Variants in CAST observed in about 807,000 individuals in gnomAD.
CAST encodes MIR583 host.
In CAST, 76 loss-of-function variants were observed where a neutral mutation model predicts 119.6. That is an observed-to-expected ratio of 0.64 (90% CI 0.53 to 0.77). The LOEUF is 0.77. Among genes scored for constraint, CAST ranks in the 30% least tolerant of loss-of-function variants. The pLI, the probability that CAST is intolerant of heterozygous loss-of-function variation, is 0.00. For missense variants in CAST, 953 were observed against 946.5 expected, an observed-to-expected ratio of 1.01 and a Z score of -0.09; for synonymous variants, 319 against 331.6, an observed-to-expected ratio of 0.96 and a Z score of 0.41.
chr5:96,768,461 T>C (rs1353359262), intron 29 of CAST: 3 of 449,246 alleles, frequency 6.7e-6, no homozygotes, highest in Non-Finnish European at 1.3e-5. Context: ...AAAATGCCTA[T>C]AATTCCACTG....
At chr5:96,025,597 A>G in the CAST span, among the ~76,000 whole-genome samples, 2 of 152,196 alleles carry the variant, frequency 1.3e-5, no homozygotes, top group Non-Finnish European at 2.9e-5. Flanking sequence ...ACTCTCAGAC[A>G]TGGTCATGTC....
the CAST span, among the ~76,000 whole-genome samples, chr5:96,434,921 T>G: frequency 1.3e-5 from 2 of 152,238 alleles, no homozygotes; most frequent in African/African-American, 4.8e-5. Context: ...GTTAAGTGTT[T>G]TACAATAATG....
the CAST span, among the ~76,000 whole-genome samples, chr5:96,360,092 A>C: frequency 1.4e-4 from 21 of 151,836 alleles, no homozygotes; most frequent in African/African-American, 4.8e-4. Context: ...CTGATCTTCA[A>C]TCTCTGATAT....
upstream of CAST, among the ~76,000 whole-genome samples, chr5:96,661,873 C>CACAG (rs200953056): frequency 0.031 from 4,787 of 152,190 alleles, 252 homozygotes; most frequent in African/African-American, 0.11. Context: ...CACACACACA[C>CACAG]AGACCAATTT....
the CAST span, among the ~76,000 whole-genome samples, chr5:96,312,534 A>C: frequency 6.6e-6 from 1 of 152,110 alleles, no homozygotes; most frequent in Non-Finnish European, 1.5e-5. Context: ...CAAGGAAGAT[A>C]AGAAATGTGT....
At chr5:96,597,902 GAAGAA>G (rs1747080712) in intron 1 of CAST, among the ~76,000 whole-genome samples, 1 of 147,886 alleles carries the variant, frequency 6.8e-6, no homozygotes, top group East Asian at 2.1e-4. Flanking sequence ...AGGGGTGGAA[GAAGAA>G]AAGAAAGGGG....
At chr5:96,226,249 A>G in the CAST span, among the ~76,000 whole-genome samples, 3,170 of 152,258 alleles carry the variant, frequency 0.021, 36 homozygotes, top group Non-Finnish European at 0.03. Flanking sequence ...CCACCTGGCA[A>G]TTGGTCCAAA....
chr5:96,107,002 T>C, the CAST span, among the ~76,000 whole-genome samples: 2 of 144,484 alleles, frequency 1.4e-5, no homozygotes, highest in African/African-American at 2.6e-5. Context: ...TCTTTTGATC[T>C]TTGTTGGTTT....
intron 4 of CAST, among the ~76,000 whole-genome samples, chr5:96,726,050 CAAATAA>C (rs1320652237): frequency 6.6e-6 from 1 of 151,950 alleles, no homozygotes. Flanking sequence ...TTAGCCTCTT[CAAATAA>C]AAATAAATAA....
intron 1 of CAST, among the ~76,000 whole-genome samples, chr5:96,626,745 CTGT>C (rs1369503561): frequency 1.3e-5 from 2 of 152,208 alleles, no homozygotes; most frequent in Non-Finnish European, 1.5e-5. Context: ...ATCTAGATTG[CTGT>C]TCTCCGCTAA....
At position 96,736,299 on chromosome 5, in the gene CAST, C is replaced by A; in HGVS notation, c.699+59C>A. ...AGTTACTCATATGCTCTGTATTTAT[C>A]ATAATCTGATTTCTTGTGGGCAAAT... is the stretch of plus-strand genomic sequence containing the variant. On this transcript the variant is annotated intron_variant, in intron 10 of 31. Coordinates refer to ENST00000675179, the MANE Select transcript of CAST (RefSeq NM_001750.7). The A allele has an allele frequency of 6.6e-6, 7 of 1,056,804 alleles. No individual in the cohort carries two copies. The South Asian group carries it at 7.2e-5, about 11-fold the overall frequency. The allele number at this position is 1,056,804 out of a possible 1,614,324, so 65.5% of individuals were successfully genotyped here.
At chr5:96,274,856 GAC>G in the CAST span, among the ~76,000 whole-genome samples, 1 of 152,124 alleles carries the variant, frequency 6.6e-6, no homozygotes, top group African/African-American at 2.4e-5. Context: ...GGAGAAACTT[GAC>G]ACAAATAATA....
At chr5:96,007,489 A>G in the CAST span, among the ~76,000 whole-genome samples, 1 of 152,180 alleles carries the variant, frequency 6.6e-6, no homozygotes, top group Admixed American at 6.5e-5. Context: ...ACATTGCTAT[A>G]TTGAAACTCT....
At chr5:96,511,594 C>G in the CAST span, among the ~76,000 whole-genome samples, 1 of 152,192 alleles carries the variant, frequency 6.6e-6, no homozygotes. Flanking sequence ...ACTTCTAGAT[C>G]CCAACACTCC....
At chr5:95,972,760 T>A in the CAST span, among the ~76,000 whole-genome samples, 1 of 152,214 alleles carries the variant, frequency 6.6e-6, no homozygotes, top group Admixed American at 6.5e-5. Context: ...GTGCTTTTGG[T>A]GTTATATCTA....
chr5:96,352,654 G>A, the CAST span, among the ~76,000 whole-genome samples: 1 of 152,224 alleles, frequency 6.6e-6, no homozygotes, highest in East Asian at 1.9e-4. Flanking sequence ...TTGGTAAGAC[G>A]TGCTTAGGTT....
intron 1 of CAST, among the ~76,000 whole-genome samples, chr5:96,568,147 C>T (rs562346949): frequency 2.5e-4 from 38 of 152,186 alleles, no homozygotes; most frequent in African/African-American, 8.2e-4. Context: ...TAAGAGCAAG[C>T]GTGTATCTGA....
chr5:96,398,928 A>G, the CAST span: 1 of 1,613,580 alleles, frequency 6.2e-7, no homozygotes, highest in Non-Finnish European at 8.5e-7. Flanking sequence ...GGGAATATTC[A>G]ATTGTTGCTT....
At chr5:96,380,531 CTG>C in the CAST span, among the ~76,000 whole-genome samples, 1 of 151,988 alleles carries the variant, frequency 6.6e-6, no homozygotes, top group Non-Finnish European at 1.5e-5. Flanking sequence ...TATGGAAAAA[CTG>C]TGGTTATTCT....
Sources: allele counts gnomAD v4.1 joint callset (sites outside exome capture counted in the v4.1 genomes callset), GRCh38; gene constraint gnomAD v4.1.1; transcripts MANE v1.5; gene names NCBI Gene and HGNC (gene_info 2026-07-23, HGNC 2026-07-21).